Variants in CASC3 observed in about 807,000 individuals in gnomAD.
CASC3 encodes the protein CASC3 exon junction complex subunit, also known as protein CASC3.
CASC3 carries 30 observed loss-of-function variants against 80.5 expected under a neutral mutation model. That is an observed-to-expected ratio of 0.37 (90% confidence interval 0.28 to 0.51). The LOEUF (loss-of-function observed/expected upper bound fraction) is 0.51, where lower values mean the gene tolerates loss of function less well. Among genes scored for constraint, CASC3 ranks in the 20% least tolerant of loss-of-function variants. The pLI, the probability that CASC3 is intolerant of heterozygous loss-of-function variation, is 0.94. For synonymous variants in CASC3, 312 were observed against 333.6 expected, an observed-to-expected ratio of 0.94 and a Z score of 0.70; for missense variants, 824 against 922.2, an observed-to-expected ratio of 0.89 and a Z score of 1.38.
At position 40,140,938 on chromosome 17, in the gene CASC3, C is replaced by T. The variant is rs537807425; in HGVS notation, c.231+159C>T. On this transcript the variant is annotated intron_variant, in intron 1 of 13. Transcript: ENST00000264645. ...AGTTATCCCAATGCGAGTTTGCATC[C>T]GGAGTTCCAAGGGAAGAAGAAGGAT... 1.8e-5 allele frequency: 12 copies of T among 656,520 alleles called. No homozygotes were observed. In the East Asian group the frequency reaches 2.3e-4, roughly 13 times the overall value. 40.7% of individuals were successfully genotyped at this position (656,520 alleles called of 1,614,324 possible). A position where few individuals can be genotyped will look rare whatever the true frequency, so the allele number is the denominator to read the frequency against.
Position 40,163,699 on chromosome 17 carries a change from A to C in CASC3, c.1004A>C (p.His335Pro). ...AGGCCTGTGGAAGCTGGTGGGCAGC[A>C]TGGTGGCCGGTCTGGTGAGACTGTT... Reference protein sequence around the residue: ...GFRPVEAGGQHGGRSGETVKH... With the variant: ...GFRPVEAGGQPGGRSGETVKH... Residue 335 changes from histidine to proline, a missense_variant, in exon 7 of 14, where the codon CAT (histidine) becomes CCT (proline). His to Pro is a moderately conservative substitution (Grantham distance 77). Coordinates refer to ENST00000264645, the MANE Select transcript of CASC3 (RefSeq NM_007359.5). 1 of 1,614,140 alleles carries C rather than the reference A, an allele frequency of 6.2e-7. No individual in the cohort carries two copies. The highest frequency in any genetic ancestry group is 8.5e-7 in the Non-Finnish European group (1 of 1,180,014).
intron 10 of CASC3, 92 bp downstream of exon 10, chr17:40,168,040 T>C: frequency 7.1e-7 from 1 of 1,398,878 alleles, no homozygotes; most frequent in Non-Finnish European, 1.0e-6. Flanking sequence ...TTTGTGCTGC[T>C]AGCCTGGGAG....
intron 11 of CASC3, 124 bp downstream of exon 11, chr17:40,168,541 C>A: frequency 2.5e-6 from 2 of 815,368 alleles, no homozygotes; most frequent in Non-Finnish European, 3.9e-6. Context: ...TTGTATGTGA[C>A]ACCAAGACGC....
chr17:40,166,300 T>C (rs887494451), intron 7 of CASC3, among the ~76,000 whole-genome samples: 8 of 152,168 alleles, frequency 5.3e-5, no homozygotes, highest in African/African-American at 1.9e-4. Context: ...GAGGACAATC[T>C]CTAGAACATT....
intron 3 of CASC3, among the ~76,000 whole-genome samples, chr17:40,155,305 G>A (rs1485619003): frequency 6.6e-6 from 1 of 151,702 alleles, no homozygotes; most frequent in African/African-American, 2.4e-5. Flanking sequence ...CACCCAGCCT[G>A]GAGTGCAGTG....
At chr17:40,154,831 T>G (rs915730298) in intron 3 of CASC3, among the ~76,000 whole-genome samples, 2 of 152,196 alleles carry the variant, frequency 1.3e-5, no homozygotes, top group Non-Finnish European at 1.5e-5. Context: ...CTCTTAAATT[T>G]AGGTCTTTGA....
chr17:40,166,911 G>T, intron 8 of CASC3, 50 bp downstream of exon 8: 1 of 1,315,210 alleles, frequency 7.6e-7, no homozygotes, highest in Non-Finnish European at 1.1e-6. Context: ...CTGTTACACA[G>T]CTTGTTCATT....
rs1472271183 is a variant in CASC3 at position 40,163,599 on chromosome 17, G to T, written c.904G>T (p.Ala302Ser). The change falls in exon 7 of 14, where the codon GCA (alanine) becomes TCA (serine). Residue 302 changes from alanine to serine, a missense_variant. This residue lies in a region of CASC3 where 201 missense variants were observed against 294.1 expected (regional missense o/e 0.68). Transcript: ENST00000264645. ...AAGGACATTTATTAACAGGAATGCT[G>T]CAGGTACCGGCCGTATGTCTGCACC... ...PPRTFINRNA[A>S]GTGRMSAPRN... 2.5e-6 allele frequency: 4 copies of T among 1,614,030 alleles called. No individual in the cohort carries two copies. Among genetic ancestry groups the T allele is most frequent in the Non-Finnish European group, 3.4e-6 (4 of 1,180,034 alleles).
intron 7 of CASC3, among the ~76,000 whole-genome samples, chr17:40,165,192 G>A (rs1989418820): frequency 6.6e-6 from 1 of 151,374 alleles, no homozygotes; most frequent in South Asian, 2.1e-4. Context: ...CAGAGTGCTG[G>A]GATTACAGGC....
At position 40,161,773 on chromosome 17, in the gene CASC3, T is replaced by G; in HGVS notation, c.318T>G (p.Ser106Arg). Residue 106 changes from serine (S) to arginine (R), a missense_variant, in exon 4 of 14, where the codon AGT becomes AGG. By Grantham distance (110) the Ser-to-Arg change is moderately radical. Coordinates refer to ENST00000264645, the MANE Select transcript of CASC3 (RefSeq NM_007359.5). ...TTCAGGGTGAAGAAGGTGAATACAG[T>G]GAAGAGGAAAACTCCAAAGTGGAGC... ...EDSEGEEGEY[S>R]EEENSKVELK... The G allele has an allele frequency of 6.2e-7, 1 of 1,613,944 alleles. No homozygotes were observed. The highest frequency in any genetic ancestry group is 8.5e-7 in the Non-Finnish European group (1 of 1,180,004).
At chr17:40,151,662 C>T (rs1377226445) in intron 3 of CASC3, among the ~76,000 whole-genome samples, 2 of 148,004 alleles carry the variant, frequency 1.4e-5, no homozygotes, top group African/African-American at 5.1e-5. Context: ...CCACTGCACT[C>T]CAGCTTGAGT....
chr17:40,141,426 C>A, intron 2 of CASC3, 144 bp from the exon 3 acceptor site: 1 of 849,308 alleles, frequency 1.2e-6, no homozygotes, highest in Non-Finnish European at 1.9e-6. Context: ...GAGCCTGTTT[C>A]TCCTTTTGTA....
chr17:40,163,002 C>T, intron 6 of CASC3, 101 bp downstream of exon 6: 1 of 1,000,994 alleles, frequency 1.0e-6, no homozygotes, highest in Non-Finnish European at 1.5e-6. Flanking sequence ...AGGAGGATTG[C>T]TTGAGGCCAG....
chr17:40,155,596 C>T (rs1006520141), intron 3 of CASC3, among the ~76,000 whole-genome samples: 14 of 151,966 alleles, frequency 9.2e-5, no homozygotes, highest in African/African-American at 2.7e-4. Flanking sequence ...TCGGAGGAGC[C>T]GGGGTTTATT....
intron 11 of CASC3, 144 bp from the exon 12 acceptor site, chr17:40,169,180 C>T (rs547506762): frequency 3.5e-6 from 3 of 867,730 alleles, no homozygotes; most frequent in Admixed American, 3.0e-5. Flanking sequence ...TGAATAGTCA[C>T]TTTATTTTGA....
At chr17:40,147,044 G>A (rs374750229) in intron 3 of CASC3, among the ~76,000 whole-genome samples, 1 of 152,146 alleles carries the variant, frequency 6.6e-6, no homozygotes, top group Admixed American at 6.6e-5. Context: ...TGAGTTTTGG[G>A]GATTGTGAAT....
intron 3 of CASC3, among the ~76,000 whole-genome samples, chr17:40,142,898 C>G (rs1988757290): frequency 6.7e-6 from 1 of 149,864 alleles, no homozygotes; most frequent in Non-Finnish European, 1.5e-5. Context: ...AAGACTCCGT[C>G]TCAAAAAAAA....
chr17:40,160,940 AT>A (rs1028676574), intron 3 of CASC3, among the ~76,000 whole-genome samples: 14 of 151,334 alleles, frequency 9.3e-5, no homozygotes, highest in East Asian at 3.9e-4. Context: ...GTATGTGTGT[AT>A]TTTTTTTAAT....
rs558948869 is a variant in CASC3 at position 40,143,860 on chromosome 17, G to A, written c.297+2253G>A. On this transcript the variant is annotated intron_variant, in intron 3 of 13. Transcript: ENST00000264645. ...AAAGTATATATATATATTAATAAAAGAACGTAATTGAATTGTTTGTAACAA... is the reference window on the plus strand; with the variant it reads ...AAAGTATATATATATATTAATAAAAAAACGTAATTGAATTGTTTGTAACAA... Among the ~76,000 whole-genome samples, 27 of 151,208 alleles carry A rather than the reference G, an allele frequency of 1.8e-4. No individual in the cohort carries two copies. The East Asian group carries it at 4.8e-3, about 27-fold the overall frequency.
Sources: allele counts gnomAD v4.1 joint callset (sites outside exome capture counted in the v4.1 genomes callset), GRCh38; gene constraint gnomAD v4.1.1; regional missense constraint gnomAD v4.1.1; transcripts MANE v1.5; gene names NCBI Gene and HGNC (gene_info 2026-07-23, HGNC 2026-07-21).